Variants in TAS2R1 observed in about 807,000 individuals in gnomAD.
TAS2R1 encodes the protein taste receptor type 2 member 1.
For missense variants in TAS2R1, 370 were observed against 353.4 expected (o/e 1.05, Z -0.38); for synonymous variants, 141 against 134.2 (o/e 1.05, Z -0.35).
chr5:9,672,579 G>A (rs925447195), intron 1 of TAS2R1, among the ~76,000 whole-genome samples: 5 of 152,094 alleles, frequency 3.3e-5, no homozygotes, highest in African/African-American at 1.2e-4. Flanking sequence ...ATACCACAAT[G>A]AGATACTGTC....
intron 1 of TAS2R1, among the ~76,000 whole-genome samples, chr5:9,697,506 A>G (rs909922461): frequency 6.6e-6 from 1 of 152,208 alleles, no homozygotes; most frequent in African/African-American, 2.4e-5. Flanking sequence ...TTCAAGTCCA[A>G]TTTCACTTGG....
the TAS2R1 span, among the ~76,000 whole-genome samples, chr5:9,874,310 TATAGAA>T: frequency 6.6e-6 from 1 of 152,240 alleles, no homozygotes; most frequent in Non-Finnish European, 1.5e-5. Flanking sequence ...TTTATAAAAT[TATAGAA>T]ATAGTAGGTG....
At chr5:9,640,298 T>C (rs560225762) in intron 2 of TAS2R1, among the ~76,000 whole-genome samples, 136 of 152,034 alleles carry the variant, frequency 8.9e-4, no homozygotes, top group African/African-American at 3.1e-3. Context: ...CAGTTGGTGG[T>C]GTCCCCAAAC....
chr5:9,885,887 A>G, the TAS2R1 span, among the ~76,000 whole-genome samples: 2 of 152,202 alleles, frequency 1.3e-5, no homozygotes, highest in South Asian at 2.1e-4. Flanking sequence ...TTGCAAATAA[A>G]TGAGAAAAAA....
At chr5:9,874,992 T>A in the TAS2R1 span, among the ~76,000 whole-genome samples, 2 of 152,198 alleles carry the variant, frequency 1.3e-5, no homozygotes, top group African/African-American at 4.8e-5. Flanking sequence ...CCTCTTCTTG[T>A]GTGCTTAGGG....
chr5:9,762,876 A>C, the TAS2R1 span, among the ~76,000 whole-genome samples: 12 of 152,326 alleles, frequency 7.9e-5, no homozygotes, highest in Admixed American at 2.0e-4. Context: ...TTGGAAACAG[A>C]AAGAATTCTC....
chr5:9,873,970 G>A, the TAS2R1 span, among the ~76,000 whole-genome samples: 1 of 149,244 alleles, frequency 6.7e-6, no homozygotes. Flanking sequence ...GAGAGAGAGA[G>A]AGAGAGGAAG....
chr5:9,866,543 T>C, the TAS2R1 span, among the ~76,000 whole-genome samples: 72 of 152,328 alleles, frequency 4.7e-4, no homozygotes, highest in African/African-American at 1.6e-3. Flanking sequence ...TCACTTTTTT[T>C]CCGTCTGGGA....
intron 2 of TAS2R1, among the ~76,000 whole-genome samples, chr5:9,645,788 G>T (rs1387715435): frequency 6.6e-6 from 1 of 152,144 alleles, no homozygotes; most frequent in Non-Finnish European, 1.5e-5. Context: ...ACTTCAGCCT[G>T]CCCAAGAATG....
the TAS2R1 span, among the ~76,000 whole-genome samples, chr5:9,759,825 T>C: frequency 6.6e-6 from 1 of 152,232 alleles, no homozygotes; most frequent in Non-Finnish European, 1.5e-5. Flanking sequence ...TGAACAGCTG[T>C]GAACCAATGT....
chr5:9,780,635 T>TA, the TAS2R1 span, among the ~76,000 whole-genome samples: 1 of 152,178 alleles, frequency 6.6e-6, no homozygotes, highest in Non-Finnish European at 1.5e-5. Context: ...ATTCTATCTG[T>TA]ACCAGTCAAG....
chr5:9,665,284 G>A (rs115451103), intron 1 of TAS2R1, among the ~76,000 whole-genome samples: 263 of 152,292 alleles, frequency 1.7e-3, no homozygotes, highest in African/African-American at 6.0e-3. Context: ...CTGCTCCTGC[G>A]ATAACATCGA....
At chr5:9,785,501 T>C in the TAS2R1 span, among the ~76,000 whole-genome samples, 1 of 152,226 alleles carries the variant, frequency 6.6e-6, no homozygotes. Flanking sequence ...GTAGGGTCTC[T>C]CTTCCTTTAT....
At chr5:9,774,189 G>A in the TAS2R1 span, among the ~76,000 whole-genome samples, 1 of 152,114 alleles carries the variant, frequency 6.6e-6, no homozygotes, top group African/African-American at 2.4e-5. Context: ...TCTTCCATTT[G>A]ATCAAGTCTA....
At chr5:9,841,351 C>T in the TAS2R1 span, among the ~76,000 whole-genome samples, 1 of 152,078 alleles carries the variant, frequency 6.6e-6, no homozygotes, top group East Asian at 1.9e-4. Context: ...TTTATTGGTG[C>T]CTTTCGCCAT....
the TAS2R1 span, among the ~76,000 whole-genome samples, chr5:9,745,310 T>A: frequency 1.3e-5 from 2 of 152,100 alleles, no homozygotes; most frequent in Non-Finnish European, 2.9e-5. Context: ...CATGAGATAT[T>A]ATGGTTGAGT....
the TAS2R1 span, among the ~76,000 whole-genome samples, chr5:9,853,481 T>G: frequency 6.6e-6 from 1 of 152,214 alleles, no homozygotes; most frequent in Non-Finnish European, 1.5e-5. Context: ...GGTGTTGTCA[T>G]GGAAACAGGT....
chr5:9,824,524 G>C, the TAS2R1 span, among the ~76,000 whole-genome samples: 1 of 152,114 alleles, frequency 6.6e-6, no homozygotes, highest in East Asian at 1.9e-4. Context: ...TTTTCTAACA[G>C]GATTACATCA....
At chr5:9,658,636 C>A (rs561703727) in intron 2 of TAS2R1, 1 of 152,270 alleles carries the variant, frequency 6.6e-6, no homozygotes, top group African/African-American at 2.4e-5. Context: ...AGTAAATAAT[C>A]AATAATGGAT....
Sources: gnomAD v4.1 joint callset for allele counts (sites outside exome capture counted in the v4.1 genomes callset) on GRCh38, gnomAD v4.1.1 for gene constraint, MANE v1.5 for transcripts, NCBI Gene and HGNC (gene_info 2026-07-23, HGNC 2026-07-21) for gene names.